F5: variants seen among roughly 807,000 people sequenced by gnomAD.
F5 encodes the protein activated protein c cofactor.
A neutral mutation model predicts 216.4 loss-of-function variants in F5; 138 were observed. The ratio of observed to expected loss-of-function variants is 0.64; its 90% CI spans 0.56 to 0.73. F5 has a LOEUF of 0.73. Among genes scored for constraint, F5 ranks in the 30% least tolerant of loss-of-function variants. The pLI, the probability that F5 is intolerant of heterozygous loss-of-function variation, is 0.00. For missense variants in F5, 2,403 were observed against 2,674.0 expected, an observed-to-expected ratio of 0.90 and a Z score of 2.24; for synonymous variants, 916 against 930.7, an observed-to-expected ratio of 0.98 and a Z score of 0.29.
chr1:169,544,193 A>T, intron 12 of F5, 103 bp downstream of exon 12: 1 of 889,492 alleles, frequency 1.1e-6, no homozygotes. Context: ...GGGGTCAGGG[A>T]GATACATAGA....
At chr1:169,524,964 A>G (rs1197585475) in intron 18 of F5, 56 bp from the exon 19 acceptor site, 4 of 1,322,372 alleles carry the variant, frequency 3.0e-6, no homozygotes, top group Non-Finnish European at 4.3e-6. Flanking sequence ...TATACAATAA[A>G]GTAAAACTCC....
chr1:169,528,181 C>T, intron 16 of F5, 87 bp from the exon 17 acceptor site: 1 of 1,507,266 alleles, frequency 6.6e-7, no homozygotes, highest in East Asian at 2.3e-5. Flanking sequence ...ACCCACTCAA[C>T]ACCCATGTTC....
rs1024079682 is a variant in F5 at position 169,516,442 on chromosome 1, C to T, written c.6346-816G>A. Among the ~76,000 whole-genome samples, 5 of 152,316 alleles carry T rather than the reference C, an allele frequency of 3.3e-5. No homozygotes were observed. The South Asian group carries it at 1.0e-3, about 32-fold the overall frequency. ...AAATAATATTGATATGTTTCTTCAA[C>T]ATCACCCACACATACATAAGTGTAT... On this transcript the variant is annotated intron_variant, in intron 23 of 24. Coordinates refer to ENST00000367797, the MANE Select transcript of F5 (RefSeq NM_000130.5).
At chr1:169,558,651 T>G (rs1222801396) in intron 5 of F5, among the ~76,000 whole-genome samples, 1 of 152,210 alleles carries the variant, frequency 6.6e-6, no homozygotes. Context: ...TGCTATGATT[T>G]TGCCTTCTCA....
rs555820812 is a variant in F5 at position 169,574,910 on chromosome 1, C to T, written c.251-2567G>A. Among the ~76,000 whole-genome samples, 11 of 152,184 alleles carry T rather than the reference C, an allele frequency of 7.2e-5. No homozygotes were observed. In the South Asian group the frequency reaches 1.0e-3, roughly 14 times the overall value. On this transcript the variant is annotated intron_variant, in intron 2 of 24. Coordinates refer to ENST00000367797, the MANE Select transcript of F5 (RefSeq NM_000130.5). ...CCTAGGCATCAGAATTGCAATGGTGCGTAAAAGAGTAAAATAGATACACCC... is the reference window on the plus strand; with the variant it reads ...CCTAGGCATCAGAATTGCAATGGTGTGTAAAAGAGTAAAATAGATACACCC...
At chr1:169,556,537 T>C (rs944102582) in intron 6 of F5, 109 bp downstream of exon 6, 1 of 1,012,384 alleles carries the variant, frequency 9.9e-7, no homozygotes, top group Non-Finnish European at 1.5e-6. Flanking sequence ...CTGAGGAAAG[T>C]TTGTCTGCGG....
chr1:169,540,627 C>A lies in F5; in HGVS notation c.4463G>T (p.Gly1488Val). Residue 1488 changes from glycine (G) to valine (V), a missense_variant, in exon 13 of 25, where the codon GGT becomes GTT. Physicochemically the swap from Gly to Val is moderately radical, Grantham distance 109 (BLOSUM62 -3). Coordinates refer to ENST00000367797, the MANE Select transcript of F5 (RefSeq NM_000130.5). ...AGGAGATGAAGGAGATGGCATCTGACCAAGGTCTGGATAAGGAAAAGACTC... is the reference window on the plus strand; with the variant it reads ...AGGAGATGAAGGAGATGGCATCTGAACAAGGTCTGGATAAGGAAAAGACTC... ...FNESFPYPDL[G>V]QMPSPSSPTL... 6.2e-7 allele frequency: 1 copy of A among 1,613,970 alleles called. No homozygotes were observed. Among genetic ancestry groups the A allele is most frequent in the South Asian group, 1.1e-5 (1 of 91,076 alleles).
At chr1:169,580,297 C>T (rs899185691) in intron 2 of F5, among the ~76,000 whole-genome samples, 2 of 152,098 alleles carry the variant, frequency 1.3e-5, no homozygotes, top group African/African-American at 4.8e-5. Flanking sequence ...CTGATTGGCT[C>T]CTGGAAATCA....
At chr1:169,573,649 G>A (rs1300935898) in intron 2 of F5, among the ~76,000 whole-genome samples, 1 of 152,200 alleles carries the variant, frequency 6.6e-6, no homozygotes, top group Non-Finnish European at 1.5e-5. Flanking sequence ...GGTTATGGGT[G>A]CAGAAATCAA....
chr1:169,550,612 G>A (rs2101825907), intron 9 of F5, 28 bp downstream of exon 9: 1 of 1,555,082 alleles, frequency 6.4e-7, no homozygotes, highest in Non-Finnish European at 8.9e-7. Context: ...GTTACTAGTT[G>A]GATTCAGTAG....
In F5 at chr1:169,527,957, C is replaced by T. The variant is rs747159705; in HGVS notation, c.5557G>A (p.Gly1853Ser). The T allele has an allele frequency of 6.2e-7, 1 of 1,613,760 alleles. No homozygotes were observed. The change falls in exon 17 of 25, where the codon GGC (glycine) becomes AGC (serine). Residue 1853 changes from glycine (G) to serine (S), a missense_variant. Around this residue, in one of 4 missense-constraint regions of F5, gnomAD observed 659 missense variants for 787.9 expected, o/e 0.84. Transcript: ENST00000367797. Reference sequence around the variant, plus strand: ...ACCCCTAACTGGTGCTGTTTATTGCCATTTTCCAGCAAGGTCTGGCCGTGA... The same window carrying T: ...ACCCCTAACTGGTGCTGTTTATTGCTATTTTCCAGCAAGGTCTGGCCGTGA... ...HFHGQTLLEN[G>S]NKQHQLGVWP... is the part of the protein sequence containing the mutation.
chr1:169,567,037 C>T (rs1660618179), intron 3 of F5, among the ~76,000 whole-genome samples: 1 of 151,966 alleles, frequency 6.6e-6, no homozygotes, highest in Admixed American at 6.6e-5. Context: ...ACGGACACTT[C>T]TTCCTCACAG....
chr1:169,574,910 C>A (rs555820812), intron 2 of F5, among the ~76,000 whole-genome samples: 3 of 152,066 alleles, frequency 2.0e-5, no homozygotes, highest in Non-Finnish European at 4.4e-5. Flanking sequence ...TGCAATGGTG[C>A]GTAAAAGAGT....
Position 169,515,562 on chromosome 1 carries a change from A to G in F5, c.6410T>C (p.Ile2137Thr). Residue 2137 changes from isoleucine to threonine, a missense_variant, in exon 24 of 25, where the codon ATA becomes ACA. Physicochemically the swap from Ile to Thr is moderately conservative, Grantham distance 89. Coordinates refer to ENST00000367797, the MANE Select transcript of F5 (RefSeq NM_000130.5). ...GGACAGAGACTTGCAGCCCTGTGTT[A>G]TAATTGCCGTTATCTTCTTGATCTT... ...LLKIKKITAI[I>T]TQGCKSLSSE... 1 of 1,613,538 alleles carries G rather than the reference A, an allele frequency of 6.2e-7. No individual in the cohort carries two copies.
chr1:169,566,511 T>C (rs1571594807), intron 3 of F5, among the ~76,000 whole-genome samples: 1 of 152,152 alleles, frequency 6.6e-6, no homozygotes, highest in East Asian at 1.9e-4. Context: ...TTGACAGCAC[T>C]CATCGCCATT....
intron 17 of F5, among the ~76,000 whole-genome samples, chr1:169,527,004 G>A (rs1659470286): frequency 6.6e-6 from 1 of 151,832 alleles, no homozygotes. Flanking sequence ...CAGTCCATTT[G>A]GACTTCTGTG....
chr1:169,538,163 G>A (rs895767135), intron 13 of F5, among the ~76,000 whole-genome samples: 4 of 151,974 alleles, frequency 2.6e-5, no homozygotes, highest in Admixed American at 6.6e-5. Flanking sequence ...AAAAGAAAAC[G>A]AAGAAATGCC....
At chr1:169,537,326 T>C (rs554543195) in intron 13 of F5, among the ~76,000 whole-genome samples, 4 of 152,190 alleles carry the variant, frequency 2.6e-5, no homozygotes, top group Non-Finnish European at 4.4e-5. Context: ...CTTATGAAAG[T>C]CACTGGATGG....
Position 169,555,278 on chromosome 1 carries a change from C to T in F5, c.1022G>A (p.Arg341His), listed in dbSNP as rs1404651644. The stretch of plus-strand genomic sequence containing the variant: ...CCTCTTCATGTGCCGCCTCTGCTCA[C>T]GAGTTATTTTCTTAAGATTCCTGGT... Reference protein sequence around the residue: ...KKTRNLKKITREQRRHMKRWE... With the variant: ...KKTRNLKKITHEQRRHMKRWE... Residue 341 changes from arginine (R) to histidine (H), a missense_variant, in exon 7 of 25, where the codon CGT (arginine) becomes CAT (histidine). By Grantham distance (29) the Arg-to-His change is conservative. Around this residue, in one of 4 missense-constraint regions of F5, gnomAD observed 1,425 missense variants for 1,554.8 expected, o/e 0.92. Transcript: ENST00000367797. 5.6e-6 allele frequency: 9 copies of T among 1,613,922 alleles called. No homozygotes were observed. The highest frequency in any genetic ancestry group is 3.3e-5 in the Admixed American group (2 of 59,988).
Sources: allele counts gnomAD v4.1 joint callset (sites outside exome capture counted in the v4.1 genomes callset), GRCh38; gene constraint gnomAD v4.1.1; regional missense constraint gnomAD v4.1.1; transcripts MANE v1.5; gene names NCBI Gene and HGNC (gene_info 2026-07-23, HGNC 2026-07-21).